Variants in SULF2 observed in about 807,000 individuals in gnomAD.
The protein encoded by SULF2 is sulfatase 2.
In SULF2, 52 loss-of-function variants were observed where a neutral mutation model predicts 107.7. The observed-to-expected ratio is 0.48, with a 90% CI of 0.39 to 0.61. The LOEUF (loss-of-function observed/expected upper bound fraction) is 0.61, where lower values mean the gene tolerates loss of function less well. SULF2 is among the 20% of genes least tolerant of loss of function. The pLI is 0.00. For missense variants in SULF2, 993 were observed against 1,177.3 expected (o/e 0.84, Z 2.29); for synonymous variants, 460 against 464.3 (o/e 0.99, Z 0.12).
At chr20:47,744,301 G>A (rs35853104) in intron 2 of SULF2, among the ~76,000 whole-genome samples, 41,688 of 152,004 alleles carry the variant, frequency 0.27, 6,361 homozygotes, top group African/African-American at 0.43. Flanking sequence ...TCCTGCCTCA[G>A]CCTCCCGAGC....
At chr20:47,735,623 T>C (rs2089710432) in intron 3 of SULF2, among the ~76,000 whole-genome samples, 1 of 152,178 alleles carries the variant, frequency 6.6e-6, no homozygotes, top group Non-Finnish European at 1.5e-5. Context: ...AGGTGGTTGA[T>C]TCTGCATAAT....
rs373806350 is a variant in SULF2 at position 47,663,114 on chromosome 20, T to C, written c.2326A>G (p.Thr776Ala). The change falls in exon 17 of 21, where the codon ACT becomes GCT. Residue 776 changes from threonine to alanine, a missense_variant. By Grantham distance (58) the Thr-to-Ala change is moderately conservative (BLOSUM62 0). Coordinates refer to ENST00000688720, the MANE Select transcript of SULF2 (RefSeq NM_001387048.1). Reference sequence around the variant, plus strand: ...AGATCAAAGTACTCTAGGAAGCCAGTTGCAAATTCACAGAAGAGGAAATTG... The same window carrying C: ...AGATCAAAGTACTCTAGGAAGCCAGCTGCAAATTCACAGAAGAGGAAATTG... ...THNFLFCEFA[T>A]GFLEYFDLNT... 2 of 1,613,954 alleles carry C rather than the reference T, an allele frequency of 1.2e-6. No homozygotes were observed. The highest frequency in any genetic ancestry group is 1.7e-6 in the Non-Finnish European group (2 of 1,180,012).
rs897462889 is a variant in SULF2 at position 47,702,406 on chromosome 20, C to T, written c.567+113G>A. On this transcript the variant is annotated intron_variant, in intron 4 of 20. Transcript: ENST00000688720. ...GAGGTGTATGTAAAATGCTCAAGGT[C>T]ACACTTTTAAGTGCCTGAGTCACAA... The T allele has an allele frequency of 3.9e-6, 5 of 1,279,752 alleles. No homozygotes were observed. In the African/African-American group the frequency reaches 5.9e-5, roughly 15 times the overall value. 79.3% of individuals were successfully genotyped at this position (1,279,752 alleles called of 1,614,324 possible).
At chr20:47,709,106 G>T (rs902088440) in intron 3 of SULF2, among the ~76,000 whole-genome samples, 1 of 152,134 alleles carries the variant, frequency 6.6e-6, no homozygotes, top group Admixed American at 6.6e-5. Flanking sequence ...CATGGGCCCC[G>T]GGGCTCCTGG....
At chr20:47,691,008 C>A (rs1229173330) in intron 4 of SULF2, among the ~76,000 whole-genome samples, 1 of 152,160 alleles carries the variant, frequency 6.6e-6, no homozygotes, top group African/African-American at 2.4e-5. Flanking sequence ...GATGATAATC[C>A]TTATTTTCCA....
chr20:47,694,041 G>T lies in SULF2; in HGVS notation c.568-3746C>A, dbSNP rs1435730935. Among the ~76,000 whole-genome samples, 1 of 152,172 alleles carries T rather than the reference G, an allele frequency of 6.6e-6. No homozygotes were observed. Among genetic ancestry groups the T allele is most frequent in the African/African-American group, 2.4e-5 (1 of 41,442 alleles). Reference sequence around the variant, plus strand: ...CATCCTCCTCAGTGGCCACTCCTCGGCTAAGTCTTCCCCGATCTCTGCTAG... The same window carrying T: ...CATCCTCCTCAGTGGCCACTCCTCGTCTAAGTCTTCCCCGATCTCTGCTAG... On this transcript the variant is annotated intron_variant, in intron 4 of 20. Transcript: ENST00000688720. The surrounding 1 kb of genome is among the most constrained non-coding windows in gnomAD (Gnocchi z 4.4).
chr20:47,730,694 C>T (rs559899632), intron 3 of SULF2, among the ~76,000 whole-genome samples: 1 of 152,328 alleles, frequency 6.6e-6, no homozygotes, highest in South Asian at 2.1e-4. Context: ...GTGATCCACC[C>T]TCCTCGGCTT....
chr20:47,700,706 T>C (rs2088536967), intron 4 of SULF2, among the ~76,000 whole-genome samples: 1 of 149,038 alleles, frequency 6.7e-6, no homozygotes, highest in African/African-American at 2.5e-5. Context: ...AGAGCAGTGA[T>C]GTGATCTCGG....
At chr20:47,689,108 C>G (rs758451678) in intron 5 of SULF2, among the ~76,000 whole-genome samples, 39 of 152,138 alleles carry the variant, frequency 2.6e-4, no homozygotes, top group Non-Finnish European at 8.8e-5. Flanking sequence ...CTGGCTCTGC[C>G]ACTTAGAGCT....
intron 2 of SULF2, among the ~76,000 whole-genome samples, chr20:47,753,185 T>A (rs1437484791): frequency 6.7e-6 from 1 of 149,592 alleles, no homozygotes; most frequent in Non-Finnish European, 1.5e-5. Context: ...AATCCGACAA[T>A]CTGAGGGGCC....
chr20:47,750,201 CG>C (rs973422661), intron 2 of SULF2, among the ~76,000 whole-genome samples: 5 of 152,120 alleles, frequency 3.3e-5, no homozygotes, highest in African/African-American at 1.2e-4. Context: ...AGGATGGTCT[CG>C]ATCTCCTGAC....
intron 13 of SULF2, 117 bp from the exon 14 acceptor site, chr20:47,665,410 C>A (rs2087228471): frequency 2.7e-6 from 2 of 754,240 alleles, no homozygotes; most frequent in Admixed American, 2.0e-5. Flanking sequence ...GCCTGCACTC[C>A]CCGGGCCCCA....
intron 2 of SULF2, among the ~76,000 whole-genome samples, chr20:47,748,273 C>T (rs964709237): frequency 1.1e-4 from 17 of 152,344 alleles, no homozygotes; most frequent in African/African-American, 2.6e-4. Context: ...GGCTCTTGCA[C>T]GTGCCGTGCT....
chr20:47,669,943 C>T (rs2087406754), intron 11 of SULF2, among the ~76,000 whole-genome samples: 1 of 152,186 alleles, frequency 6.6e-6, no homozygotes, highest in Non-Finnish European at 1.5e-5. Context: ...GGAAACCAAT[C>T]ATTCTGTTCA....
At chr20:47,664,971 G>C (rs1443938126) in intron 14 of SULF2, among the ~76,000 whole-genome samples, 2 of 152,254 alleles carry the variant, frequency 1.3e-5, no homozygotes, top group African/African-American at 4.8e-5. Flanking sequence ...GCCAGCACGG[G>C]TCTCTTGCTA....
rs549007311 is a variant in SULF2 at position 47,784,807 on chromosome 20, TC to T, written c.-101+535del. On this transcript the variant is annotated intron_variant, in intron 1 of 20. Coordinates refer to ENST00000688720, the MANE Select transcript of SULF2 (RefSeq NM_001387048.1). ...CATCCCTCCGCCAGGCGATGGAAAC[TC>T]GTTCTGCCCTGGCCTGGGAGGAAGT... is the stretch of plus-strand genomic sequence containing the variant. 4.2e-3 allele frequency among the ~76,000 whole-genome samples: 641 copies of T among 152,282 alleles called. 6 individuals are homozygous for T. Among genetic ancestry groups the T allele is most frequent in the African/African-American group, 0.014 (583 of 41,558 alleles).
intron 3 of SULF2, among the ~76,000 whole-genome samples, chr20:47,734,984 G>T (rs113663142): frequency 0.011 from 1,666 of 152,216 alleles, 11 homozygotes; most frequent in Non-Finnish European, 0.019. Flanking sequence ...TGAAACACTA[G>T]CCTTTAGCTC....
intron 2 of SULF2, among the ~76,000 whole-genome samples, chr20:47,749,714 C>T (rs2090121124): frequency 6.6e-6 from 1 of 152,264 alleles, no homozygotes; most frequent in Admixed American, 6.5e-5. Context: ...ACCTCTGCTA[C>T]ATCTTTCTTT....
intron 3 of SULF2, among the ~76,000 whole-genome samples, chr20:47,713,514 GC>G (rs745648833): frequency 1.5e-4 from 23 of 152,220 alleles, no homozygotes; most frequent in Non-Finnish European, 2.6e-4. Flanking sequence ...CCTTGGGCAA[GC>G]GAGTGCTCCT....
Sources: gnomAD v4.1 joint callset for allele counts (sites outside exome capture counted in the v4.1 genomes callset) on GRCh38, gnomAD v4.1.1 for gene constraint, Gnocchi (gnomAD v3.1) non-coding constraint, MANE v1.5 for transcripts, NCBI Gene and HGNC (gene_info 2026-07-23, HGNC 2026-07-21) for gene names.